Variants in ZIC5 observed in about 807,000 individuals in gnomAD.
ZIC5 encodes Zic family zinc finger 5.
Under a neutral mutation model 28.5 loss-of-function variants are expected in ZIC5, and 20 were observed. The observed-to-expected ratio is 0.70, with a 90% CI of 0.49 to 1.02. ZIC5 has a LOEUF of 1.02. Ranked by LOEUF, ZIC5 falls within the 50% of genes least tolerant of loss-of-function variation. The probability of loss-of-function intolerance (pLI) is 0.00; values close to 1 mark genes in which losing one functional copy is unlikely to be tolerated. For synonymous variants in ZIC5, 488 were observed against 410.4 expected, an observed-to-expected ratio of 1.19 and a Z score of -2.29; for missense variants, 951 against 899.7, an observed-to-expected ratio of 1.06 and a Z score of -0.73.
chr13:99,965,086 C>T lies in ZIC5; in HGVS notation c.*291G>A, dbSNP rs1396189557. On this transcript the variant is annotated 3_prime_UTR_variant, in exon 2 of 2. Coordinates refer to ENST00000267294, the MANE Select transcript of ZIC5 (RefSeq NM_033132.5). ...ATCGCCATTAACTAATCTCTCCATT[C>T]ATTTTCCTTGGTACAATTTGCCCCC... The T allele has an allele frequency of 6.5e-6, 1 of 153,468 alleles. No homozygotes were observed. The highest frequency in any genetic ancestry group is 2.6e-5 in the African/African-American group (1 of 38,574). 9.5% of individuals were successfully genotyped at this position (153,468 alleles called of 1,614,324 possible).
In ZIC5 at chr13:99,964,271, TAG is replaced by T. The variant is rs1210809347; in HGVS notation, c.*1104_*1105del. ...AAATGCAGTTTCAGGCATTGAAAAA[TAG>T]ACTTTTTAAAAGGCTGATACAACAG... On this transcript the variant is annotated 3_prime_UTR_variant, in exon 2 of 2. Transcript: ENST00000267294. The T allele has an allele frequency of 6.6e-6, 1 of 152,118 alleles. No homozygotes were observed. The highest frequency in any genetic ancestry group is 1.5e-5 in the Non-Finnish European group (1 of 68,020). The allele number at this position is 152,118 out of a possible 1,614,324, so 9.4% of individuals were successfully genotyped here.
Position 99,965,339 on chromosome 13 carries a change from C to A in ZIC5, c.*38G>T, listed in dbSNP as rs753591452. Reference sequence around the variant, plus strand: ...AGGTTAGGATGTGGTCCAAGGACTCCCACTTATTATTTCACTTATTATTAT... The same window carrying A: ...AGGTTAGGATGTGGTCCAAGGACTCACACTTATTATTTCACTTATTATTAT... On this transcript the variant is annotated 3_prime_UTR_variant, in exon 2 of 2. Coordinates refer to ENST00000267294, the MANE Select transcript of ZIC5 (RefSeq NM_033132.5). The A allele has an allele frequency of 5.4e-5, 85 of 1,569,300 alleles. No homozygotes were observed. Among genetic ancestry groups the A allele is most frequent in the Non-Finnish European group, 7.2e-5 (83 of 1,158,392 alleles).
chr13:99,970,007 A>C, intron 1 of ZIC5, 120 bp downstream of exon 1: 2 of 1,466,150 alleles, frequency 1.4e-6, no homozygotes, highest in East Asian at 2.4e-5. Context: ...TGCGAAGAGA[A>C]GCAGCAGAAG....
At chr13:99,969,529 A>C (rs769738439) in intron 1 of ZIC5, among the ~76,000 whole-genome samples, 5 of 151,460 alleles carry the variant, frequency 3.3e-5, no homozygotes, top group Admixed American at 6.6e-5. Context: ...GGCGAGTGCG[A>C]GTGGTCTCCG....
rs749640012 is a variant in ZIC5, at chr13:99,970,163, AGC to A, written c.1439_1440del (p.Arg480LeufsTer20). ...CGCTTGTGGATCTTGAGGTTCTCGG[AGC>A]GCGCGAAGACCTTGCCGCAGCCGGG... ...PFPGCGKVFA[R>X]SENLKIHKRT... On this transcript the variant is annotated frameshift_variant, in exon 1 of 2. Coordinates refer to ENST00000267294, the MANE Select transcript of ZIC5 (RefSeq NM_033132.5). LOFTEE classifies it high-confidence loss of function. 1 of 1,607,774 alleles carries A rather than the reference AGC, an allele frequency of 6.2e-7. No individual in the cohort carries two copies. The highest frequency in any genetic ancestry group is 8.5e-7 in the Non-Finnish European group (1 of 1,178,182).
At chr13:99,968,027 A>G (rs921930553) in intron 1 of ZIC5, among the ~76,000 whole-genome samples, 11 of 152,162 alleles carry the variant, frequency 7.2e-5, no homozygotes, top group Admixed American at 2.0e-4. Context: ...CTCCCGAGAG[A>G]GCGCGAGTCG....
Position 99,970,676 on chromosome 13 carries a change from G to C in ZIC5, c.928C>G (p.Leu310Val). 6 of 1,193,564 alleles carry C rather than the reference G, an allele frequency of 5.0e-6. No homozygotes were observed. Among genetic ancestry groups the C allele is most frequent in the Non-Finnish European group, 6.3e-6 (6 of 953,250 alleles). 73.9% of individuals were successfully genotyped at this position (1,193,564 alleles called of 1,614,324 possible). The change falls in exon 1 of 2, where the codon CTG becomes GTG. Residue 310 changes from leucine to valine, a missense_variant. Leu to Val is a conservative substitution (Grantham distance 32, BLOSUM62 1). This residue lies in a region of ZIC5 where 784 missense variants were observed against 660.1 expected (regional missense o/e 1.19). Transcript: ENST00000267294. ...LHGYGAVNLN[L>V]NLAAAAAAAA... Reference sequence around the variant, plus strand: ...GCGGCCGCCGCAGCCGCCAGGTTCAGGTTTAAGTTCACGGCTCCGTAGCCG... The same window carrying C: ...GCGGCCGCCGCAGCCGCCAGGTTCACGTTTAAGTTCACGGCTCCGTAGCCG...
chr13:99,966,825 A>G (rs538756942), intron 1 of ZIC5, among the ~76,000 whole-genome samples: 2 of 152,354 alleles, frequency 1.3e-5, no homozygotes, highest in South Asian at 4.1e-4. Flanking sequence ...AACTAGAGAA[A>G]TTCAGCCACA....
Position 99,970,665 on chromosome 13 carries a change from C to A in ZIC5, c.939G>T (p.Ala313=), listed in dbSNP as rs1453214969. The A allele has an allele frequency of 8.5e-7, 1 of 1,175,288 alleles. No homozygotes were observed. Among genetic ancestry groups the A allele is most frequent in the South Asian group, 2.0e-5 (1 of 50,784 alleles). The allele number at this position is 1,175,288 out of a possible 1,614,324, so 72.8% of individuals were successfully genotyped here. ...CGGCCGCTGCTGCGGCCGCCGCAGCCGCCAGGTTCAGGTTTAAGTTCACGG... is the reference window on the plus strand; with the variant it reads ...CGGCCGCTGCTGCGGCCGCCGCAGCAGCCAGGTTCAGGTTTAAGTTCACGG... The part of the protein sequence containing the change: ...YGAVNLNLNL[A]AAAAAAAAGP... Residue 313 remains alanine, a synonymous_variant, in exon 1 of 2, where the codon GCG becomes GCT. Transcript: ENST00000267294.
chr13:99,968,444 A>C (rs1255607141), intron 1 of ZIC5, among the ~76,000 whole-genome samples: 1 of 150,960 alleles, frequency 6.6e-6, no homozygotes, highest in East Asian at 2.0e-4. Flanking sequence ...GCCCCCCCCG[A>C]CCCCACGCAC....
rs372249350 is a variant in ZIC5 at position 99,963,911 on chromosome 13, G to A, written c.*1466C>T. The A allele has an allele frequency of 1.8e-4, 28 of 152,300 alleles. No individual in the cohort carries two copies. Among genetic ancestry groups the A allele is most frequent in the African/African-American group, 4.6e-4 (19 of 41,410 alleles). The allele number at this position is 152,300 out of a possible 1,614,324, so 9.4% of individuals were successfully genotyped here. On this transcript the variant is annotated 3_prime_UTR_variant, in exon 2 of 2. Coordinates refer to ENST00000267294, the MANE Select transcript of ZIC5 (RefSeq NM_033132.5). ...CAAACCCTGGGGAGGGGGTGTCTTCGGGGTCTCTAAGGATAAATTAGTGCT... is the reference window on the plus strand; with the variant it reads ...CAAACCCTGGGGAGGGGGTGTCTTCAGGGTCTCTAAGGATAAATTAGTGCT...
At chr13:99,966,456 G>A (rs1291847566) in intron 1 of ZIC5, among the ~76,000 whole-genome samples, 1 of 152,158 alleles carries the variant, frequency 6.6e-6, no homozygotes, top group Non-Finnish European at 1.5e-5. Flanking sequence ...AGAGGCACCT[G>A]TGAAACATAC....
At chr13:99,970,030 A>T in intron 1 of ZIC5, 97 bp downstream of exon 1, 1 of 1,560,484 alleles carries the variant, frequency 6.4e-7, no homozygotes, top group Non-Finnish European at 8.7e-7. Context: ...GAAAAAAATT[A>T]AGGCGAGCAG....
rs2053162565 is a variant in ZIC5 at position 99,971,688 on chromosome 13, C to T, written c.-85G>A. ...CCTTCAAAAACATGTATGTATTGGG[C>T]GCTCTTTAACTTCTTTTGTCCTGGC... is the stretch of plus-strand genomic sequence containing the variant. On this transcript the variant is annotated 5_prime_UTR_variant, in exon 1 of 2. Coordinates refer to ENST00000267294, the MANE Select transcript of ZIC5 (RefSeq NM_033132.5). 1 of 1,552,196 alleles carries T rather than the reference C, an allele frequency of 6.4e-7. No individual in the cohort carries two copies. Among genetic ancestry groups the T allele is most frequent in the Non-Finnish European group, 8.7e-7 (1 of 1,147,426 alleles).
intron 1 of ZIC5, among the ~76,000 whole-genome samples, chr13:99,968,434 GCCC>G (rs963938961): frequency 2.0e-5 from 3 of 151,488 alleles, no homozygotes; most frequent in Admixed American, 1.3e-4. Context: ...GGTCCCCCGC[GCCC>G]CCCCCGACCC....
chr13:99,970,060 G>A, intron 1 of ZIC5, 67 bp downstream of exon 1: 1 of 1,595,684 alleles, frequency 6.3e-7, no homozygotes, highest in East Asian at 2.3e-5. Flanking sequence ...GAGAAGCAGC[G>A]GCGGAAGCGG....
chr13:99,965,758 A>C lies in ZIC5; in HGVS notation c.1539T>G (p.Asp513Glu). Residue 513 changes from aspartate to glutamate, a missense_variant, in exon 2 of 2, where the codon GAT becomes GAG. This residue lies in a region of ZIC5 where 59 missense variants were observed against 121.2 expected (regional missense o/e 0.49). Coordinates refer to ENST00000267294, the MANE Select transcript of ZIC5 (RefSeq NM_033132.5). Reference protein sequence around the residue: ...GCDRKFANSSDRKKHSHVHTS... With the variant: ...GCDRKFANSSERKKHSHVHTS... ...TGTGGACATGGGAATGTTTCTTCCG[A>C]TCACTGCTATTGGCAAACTTCCTGT... is the stretch of plus-strand genomic sequence containing the variant. 1 of 1,614,134 alleles carries C rather than the reference A, an allele frequency of 6.2e-7. No individual in the cohort carries two copies. Among genetic ancestry groups the C allele is most frequent in the Non-Finnish European group, 8.5e-7 (1 of 1,179,998 alleles).
In ZIC5 at chr13:99,971,107, C is replaced by T; in HGVS notation, c.497G>A (p.Gly166Asp). 1.4e-6 allele frequency: 2 copies of T among 1,432,080 alleles called. No individual in the cohort carries two copies. Among genetic ancestry groups the T allele is most frequent in the Non-Finnish European group, 9.1e-7 (1 of 1,102,140 alleles). 88.7% of individuals were successfully genotyped at this position (1,432,080 alleles called of 1,614,324 possible). Residue 166 changes from glycine to aspartate, a missense_variant, in exon 1 of 2, where the codon GGC (glycine) becomes GAC (aspartate). Gly to Asp is a moderately conservative substitution (Grantham distance 94, BLOSUM62 -1). Coordinates refer to ENST00000267294, the MANE Select transcript of ZIC5 (RefSeq NM_033132.5). Reference protein sequence around the residue: ...TTNSGGGGSSGKGHSRDFVLR... With the variant: ...TTNSGGGGSSDKGHSRDFVLR... ...GACGAAGTCCCTGCTGTGGCCTTTG[C>T]CGCTGCTGCCGCCGCCGCCACTGTT...
chr13:99,967,329 T>C (rs2053107629), intron 1 of ZIC5, among the ~76,000 whole-genome samples: 1 of 152,266 alleles, frequency 6.6e-6, no homozygotes, highest in African/African-American at 2.4e-5. Context: ...TATTCAAATA[T>C]GCCTCCTACA....
Sources: allele counts gnomAD v4.1 joint callset (sites outside exome capture counted in the v4.1 genomes callset), GRCh38; gene constraint gnomAD v4.1.1; regional missense constraint gnomAD v4.1.1; transcripts MANE v1.5; gene names NCBI Gene and HGNC (gene_info 2026-07-23, HGNC 2026-07-21).